Variants in RGS6 observed in about 807,000 individuals in gnomAD.
RGS6 encodes the protein regulator of G protein signaling 6.
RGS6 carries 30 observed loss-of-function variants against 78.5 expected under a neutral mutation model. The ratio of observed to expected loss-of-function variants is 0.38; its 90% CI spans 0.29 to 0.52. The LOEUF is 0.52. Ranked by LOEUF, RGS6 falls within the 20% of genes least tolerant of loss-of-function variation. The pLI, the probability that RGS6 is intolerant of heterozygous loss-of-function variation, is 0.85. For missense variants in RGS6, 495 were observed against 609.7 expected (o/e 0.81, Z 1.98); for synonymous variants, 206 against 206.0 (o/e 1.00, Z 0.00).
intron 3 of RGS6, among the ~76,000 whole-genome samples, chr14:72,386,664 G>A (rs1164254439): frequency 6.6e-6 from 1 of 152,146 alleles, no homozygotes; most frequent in East Asian, 1.9e-4. Flanking sequence ...TGTTGATGGG[G>A]CTCAAATCCA....
chr14:72,144,354 T>G (rs552492862), intron 2 of RGS6, among the ~76,000 whole-genome samples: 105 of 152,314 alleles, frequency 6.9e-4, no homozygotes, highest in Non-Finnish European at 1.2e-3. Flanking sequence ...GTTTGCAAAC[T>G]TATTATTTAA....
intron 2 of RGS6, among the ~76,000 whole-genome samples, chr14:72,223,740 G>A (rs1193597388): frequency 1.3e-5 from 2 of 152,202 alleles, no homozygotes; most frequent in African/African-American, 4.8e-5. Flanking sequence ...GATCCAGAAG[G>A]GGGTTTTTGC....
At chr14:72,599,716 G>A in the RGS6 span, among the ~76,000 whole-genome samples, 369 of 151,210 alleles carry the variant, frequency 2.4e-3, no homozygotes, top group Non-Finnish European at 3.8e-3. Flanking sequence ...GAGCCACCGC[G>A]CCTGGCCAGA....
At chr14:72,462,798 C>T (rs909486957) in intron 6 of RGS6, among the ~76,000 whole-genome samples, 3 of 152,140 alleles carry the variant, frequency 2.0e-5, no homozygotes, top group African/African-American at 4.8e-5. Context: ...TTTAGTTTCC[C>T]CATCTGTAAA....
rs531959482 is a variant in RGS6, at chr14:72,391,155, C to T, written c.184+38961C>T. Reference sequence around the variant, plus strand: ...GAAAGGTGAAAACTAAGCCATAATGCATGAATGTGTTAATTGTTTTTCTCT... The same window carrying T: ...GAAAGGTGAAAACTAAGCCATAATGTATGAATGTGTTAATTGTTTTTCTCT... On this transcript the variant is annotated intron_variant, in intron 3 of 17. Coordinates refer to ENST00000553525, the MANE Select transcript of RGS6 (RefSeq NM_001204424.2). Among the ~76,000 whole-genome samples, 115 of 152,312 alleles carry T rather than the reference C, an allele frequency of 7.6e-4. 1 individual carries two copies. The South Asian group carries it at 0.023, about 30-fold the overall frequency.
chr14:72,390,309 G>C (rs1467970642), intron 3 of RGS6, among the ~76,000 whole-genome samples: 1 of 151,946 alleles, frequency 6.6e-6, no homozygotes, highest in Non-Finnish European at 1.5e-5. Context: ...TGTTGGCCAG[G>C]CTGGTCTTGA....
At chr14:72,004,913 A>G (rs11628133) in intron 2 of RGS6, among the ~76,000 whole-genome samples, 25,897 of 152,244 alleles carry the variant, frequency 0.17, 2,218 homozygotes, top group Admixed American at 0.21. Context: ...CGAATGGTGG[A>G]CCATTTGGCC....
intron 2 of RGS6, among the ~76,000 whole-genome samples, chr14:72,216,811 T>G (rs540397995): frequency 6.6e-6 from 1 of 152,276 alleles, no homozygotes; most frequent in Non-Finnish European, 1.5e-5. Flanking sequence ...CCTATGCCTT[T>G]GATGAGACAC....
intron 2 of RGS6, among the ~76,000 whole-genome samples, chr14:72,245,308 G>C (rs1481578070): frequency 6.6e-6 from 1 of 152,216 alleles, no homozygotes; most frequent in Admixed American, 6.5e-5. Flanking sequence ...TATACACACA[G>C]AAATATAGAG....
chr14:72,601,894 T>C, the RGS6 span, among the ~76,000 whole-genome samples: 1 of 152,222 alleles, frequency 6.6e-6, no homozygotes, highest in African/African-American at 2.4e-5. Context: ...CCTTCCTAGC[T>C]TTCTCTCCAG....
At chr14:72,146,624 A>G (rs1443581319) in intron 2 of RGS6, among the ~76,000 whole-genome samples, 1 of 152,206 alleles carries the variant, frequency 6.6e-6, no homozygotes, top group Non-Finnish European at 1.5e-5. Context: ...CAAGAAAAAA[A>G]GAGTAACTAG....
chr14:72,474,165 G>A (rs1400511968), intron 9 of RGS6: 3 of 152,664 alleles, frequency 2.0e-5, no homozygotes, highest in Non-Finnish European at 2.9e-5. Context: ...AATGAGGTTT[G>A]ACTGTATTTC....
intron 1 of RGS6, among the ~76,000 whole-genome samples, chr14:71,934,608 G>A (rs1027035687): frequency 6.6e-6 from 1 of 152,146 alleles, no homozygotes; most frequent in Non-Finnish European, 1.5e-5. Context: ...TTATTTAAAT[G>A]AGTCCATTTT....
the RGS6 span, among the ~76,000 whole-genome samples, chr14:72,573,978 T>C: frequency 2.0e-5 from 3 of 152,160 alleles, no homozygotes; most frequent in South Asian, 2.1e-4. Flanking sequence ...AGGGAAAACA[T>C]TGGGAGCAAA....
chr14:72,385,091 A>G (rs2087521893), intron 3 of RGS6, among the ~76,000 whole-genome samples: 7 of 152,134 alleles, frequency 4.6e-5, no homozygotes, highest in Admixed American at 4.6e-4. Context: ...CCTGCCCGTC[A>G]TCTTTCCTAA....
chr14:72,371,035 A>T (rs2083415482), intron 3 of RGS6, among the ~76,000 whole-genome samples: 1 of 152,250 alleles, frequency 6.6e-6, no homozygotes, highest in African/African-American at 2.4e-5. Flanking sequence ...TTTGTAGCAC[A>T]GCCAATACTG....
intron 3 of RGS6, among the ~76,000 whole-genome samples, chr14:72,452,086 G>A (rs1208884101): frequency 6.6e-6 from 1 of 152,116 alleles, no homozygotes; most frequent in Non-Finnish European, 1.5e-5. Context: ...ACAGATTAGA[G>A]TATCTCTCCC....
intron 2 of RGS6, among the ~76,000 whole-genome samples, chr14:72,129,395 C>G (rs1480493579): frequency 6.6e-6 from 1 of 152,190 alleles, no homozygotes; most frequent in Non-Finnish European, 1.5e-5. Flanking sequence ...GATGAACAAA[C>G]TGAAATAAGT....
At chr14:72,623,783 G>A in the RGS6 span, among the ~76,000 whole-genome samples, 1 of 152,256 alleles carries the variant, frequency 6.6e-6, no homozygotes, top group East Asian at 1.9e-4. Flanking sequence ...CCAAAACAAT[G>A]ACTAACAGCA....
Sources: allele counts gnomAD v4.1 joint callset (sites outside exome capture counted in the v4.1 genomes callset), GRCh38; gene constraint gnomAD v4.1.1; transcripts MANE v1.5; gene names NCBI Gene and HGNC (gene_info 2026-07-23, HGNC 2026-07-21).